The following CTIF variants were observed in gnomAD, a reference collection of about 807,000 sequenced individuals.
CTIF encodes cap binding complex dependent translation initiation factor.
CTIF carries 21 observed loss-of-function variants against 66.0 expected under a neutral mutation model. That is an observed-to-expected ratio of 0.32 (90% confidence interval 0.23 to 0.46). The LOEUF is 0.46. CTIF is among the 20% of genes least tolerant of loss of function. The pLI, the probability that CTIF is intolerant of heterozygous loss-of-function variation, is 1.00. For synonymous variants in CTIF, 345 were observed against 326.4 expected (o/e 1.06, Z -0.62); for missense variants, 739 against 812.7 (o/e 0.91, Z 1.10).
intron 1 of CTIF, among the ~76,000 whole-genome samples, chr18:48,606,109 A>C (rs1465166565): frequency 6.6e-6 from 1 of 152,160 alleles, no homozygotes; most frequent in Non-Finnish European, 1.5e-5. Context: ...TATGGCTTGC[A>C]AATATGTGTG....
intron 7 of CTIF, among the ~76,000 whole-genome samples, chr18:48,750,790 G>C (rs937850266): frequency 6.6e-6 from 1 of 152,208 alleles, no homozygotes; most frequent in African/African-American, 2.4e-5. Context: ...GCTGCCATAG[G>C]ACAGCCCACA....
intron 9 of CTIF, among the ~76,000 whole-genome samples, chr18:48,793,037 T>C (rs773485668): frequency 6.6e-6 from 1 of 152,166 alleles, no homozygotes; most frequent in South Asian, 2.1e-4. Flanking sequence ...AAAGGCCACT[T>C]GGTGTAGAGC....
chr18:48,858,645 TG>T (rs1043615205), intron 11 of CTIF, among the ~76,000 whole-genome samples: 1 of 152,022 alleles, frequency 6.6e-6, no homozygotes, highest in African/African-American at 2.4e-5. Context: ...AGAGAGGGCC[TG>T]GGGGGCACTG....
At chr18:48,621,943 A>C (rs2090500929) in intron 2 of CTIF, among the ~76,000 whole-genome samples, 1 of 152,212 alleles carries the variant, frequency 6.6e-6, no homozygotes, top group South Asian at 2.1e-4. Context: ...CCACAATGAC[A>C]GGAGGGAGTG....
At chr18:48,839,884 C>T (rs1247649809) in intron 10 of CTIF, among the ~76,000 whole-genome samples, 1 of 152,180 alleles carries the variant, frequency 6.6e-6, no homozygotes, top group East Asian at 1.9e-4. Context: ...CGAATGGCCT[C>T]ACCCCAGCCA....
intron 10 of CTIF, among the ~76,000 whole-genome samples, chr18:48,822,603 A>G (rs1039559618): frequency 1.7e-4 from 20 of 117,512 alleles, no homozygotes; most frequent in African/African-American, 5.4e-4. Flanking sequence ...GCTTATTGTG[A>G]ATAGAGCTGC....
intron 1 of CTIF, among the ~76,000 whole-genome samples, chr18:48,602,852 T>G (rs2090117963): frequency 8.5e-6 from 1 of 117,320 alleles, no homozygotes; most frequent in South Asian, 2.6e-4. Context: ...GATGGATGAA[T>G]GGATGGATGG....
At chr18:48,827,039 C>T (rs1012861416) in intron 10 of CTIF, among the ~76,000 whole-genome samples, 2 of 151,756 alleles carry the variant, frequency 1.3e-5, no homozygotes, top group Non-Finnish European at 2.9e-5. Flanking sequence ...TGAGCCAAGG[C>T]GTGGGGGCCA....
chr18:48,730,327 GGGCCCCTGCGGTGT>G (rs1473434195), intron 7 of CTIF, among the ~76,000 whole-genome samples: 2 of 106,860 alleles, frequency 1.9e-5, no homozygotes, highest in African/African-American at 2.9e-5. Flanking sequence ...GCGGTGTGAG[GGGCCCCTGCGGTGT>G]GAGGGGCTCC....
rs113512447 is a variant in CTIF, at chr18:48,632,742, C to T, written c.181-3872C>T. ...ACCCTGGGTTGCCTGCTTTTCCTCC[C>T]TTACAGCCCCTGCCGAGAGCACACT... On this transcript the variant is annotated intron_variant, in intron 2 of 11. Coordinates refer to ENST00000256413, the MANE Select transcript of CTIF (RefSeq NM_014772.3). Among the ~76,000 whole-genome samples the T allele has an allele frequency of 7.2e-3, 1,098 of 152,268 alleles. 11 individuals carry two copies. The highest frequency in any genetic ancestry group is 0.034 in the Middle Eastern group (10 of 294).
intron 9 of CTIF, among the ~76,000 whole-genome samples, chr18:48,787,407 G>A (rs1911810149): frequency 6.6e-6 from 1 of 152,160 alleles, no homozygotes; most frequent in African/African-American, 2.4e-5. Context: ...GGGATGGAGA[G>A]AGGAGACTCA....
chr18:48,617,305 C>G lies in CTIF; in HGVS notation c.-28-2233C>G, dbSNP rs377221176. Among the ~76,000 whole-genome samples, 240 of 152,332 alleles carry G rather than the reference C, an allele frequency of 1.6e-3. 2 individuals carry two copies. The highest frequency in any genetic ancestry group is 7.0e-3 in the South Asian group (34 of 4,832). On this transcript the variant is annotated intron_variant, in intron 1 of 11. Transcript: ENST00000256413. ...CTGGCTTCTTCTGCTGTGCTGAGCT[C>G]TAGTCCCAGATTTAATGGGCTCAAG... is the stretch of plus-strand genomic sequence containing the variant.
At position 48,819,963 on chromosome 18, in the gene CTIF, C is replaced by T. The variant is rs142520965; in HGVS notation, c.1527+2587C>T. ...AGACAGCTAAGTGCACTAGGGACAA[C>T]GAGGCCGGAGGATGGAAGGAAGTGC... On this transcript the variant is annotated intron_variant, in intron 10 of 11. Coordinates refer to ENST00000256413, the MANE Select transcript of CTIF (RefSeq NM_014772.3). Among the ~76,000 whole-genome samples the T allele has an allele frequency of 9.2e-3, 1,405 of 152,114 alleles. 84 individuals are homozygous for T. The highest frequency in any genetic ancestry group is 0.082 in the Admixed American group (1,247 of 15,204).
At chr18:48,552,381 C>G (rs560690796) in intron 1 of CTIF, among the ~76,000 whole-genome samples, 2 of 152,310 alleles carry the variant, frequency 1.3e-5, no homozygotes, top group South Asian at 4.1e-4. Flanking sequence ...ATTCCTGTGT[C>G]TTAGTCCATT....
intron 1 of CTIF, among the ~76,000 whole-genome samples, chr18:48,560,399 G>T (rs2089128706): frequency 1.3e-5 from 2 of 151,820 alleles, no homozygotes; most frequent in Admixed American, 1.3e-4. Context: ...CTAATTTTTT[G>T]TATTTTTAGT....
intron 6 of CTIF, among the ~76,000 whole-genome samples, chr18:48,692,236 C>T (rs1380322615): frequency 6.6e-6 from 1 of 151,930 alleles, no homozygotes; most frequent in Non-Finnish European, 1.5e-5. Flanking sequence ...ATCCACTTGA[C>T]TTCTGGAGGT....
intron 1 of CTIF, among the ~76,000 whole-genome samples, chr18:48,586,313 G>T (rs983778685): frequency 4.0e-4 from 56 of 139,024 alleles, no homozygotes; most frequent in African/African-American, 1.5e-3. Flanking sequence ...GACTCGCTCT[G>T]TTGCCCAGGC....
At chr18:48,552,906 A>T (rs1194705416) in intron 1 of CTIF, among the ~76,000 whole-genome samples, 2 of 152,198 alleles carry the variant, frequency 1.3e-5, no homozygotes, top group East Asian at 3.9e-4. Flanking sequence ...GTCACTTCAC[A>T]TCTGGGTGCT....
At chr18:48,639,959 C>T (rs915314720) in intron 3 of CTIF, among the ~76,000 whole-genome samples, 4 of 152,198 alleles carry the variant, frequency 2.6e-5, no homozygotes, top group Non-Finnish European at 5.9e-5. Flanking sequence ...GGGCGGCTTC[C>T]TTTGAGTGAC....
Sources: gnomAD v4.1 joint callset for allele counts (sites outside exome capture counted in the v4.1 genomes callset) on GRCh38, gnomAD v4.1.1 for gene constraint, MANE v1.5 for transcripts, NCBI Gene and HGNC (gene_info 2026-07-23, HGNC 2026-07-21) for gene names.